Variants in DNAI3 observed in about 807,000 individuals in gnomAD.
The protein encoded by DNAI3 is dynein axonemal intermediate chain 3, also known as WD repeat domain 63.
A neutral mutation model predicts 115.5 loss-of-function variants in DNAI3; 83 were observed. The ratio of observed to expected loss-of-function variants is 0.72; its 90% CI spans 0.60 to 0.86. The LOEUF (loss-of-function observed/expected upper bound fraction) is 0.86, where lower values mean the gene tolerates loss of function less well. DNAI3 is among the 40% of genes least tolerant of loss of function. The pLI, the probability that DNAI3 is intolerant of heterozygous loss-of-function variation, is 0.00. For missense variants in DNAI3, 1,004 were observed against 1,075.8 expected (o/e 0.93, Z 0.93); for synonymous variants, 320 against 347.0 (o/e 0.92, Z 0.86).
chr1:85,090,239 A>C lies in DNAI3; in HGVS notation c.857+7A>C, dbSNP rs756100842. On this transcript the variant is annotated splice_region_variant and intron_variant, in intron 8 of 22. Transcript: ENST00000294664. ...TTAACAATGCATCCATAAGGTAAAA[A>C]ATTGCATATTAAATTTTAAAAATAA... is the stretch of plus-strand genomic sequence containing the variant. 1 of 1,476,920 alleles carries C rather than the reference A, an allele frequency of 6.8e-7. No individual in the cohort carries two copies. Among genetic ancestry groups the C allele is most frequent in the South Asian group, 1.3e-5 (1 of 75,078 alleles). 91.5% of individuals were successfully genotyped at this position (1,476,920 alleles called of 1,614,324 possible).
At chr1:85,132,771 A>C in intron 22 of DNAI3, 84 bp from the exon 23 acceptor site, 1 of 1,528,218 alleles carries the variant, frequency 6.5e-7, no homozygotes, top group Non-Finnish European at 8.8e-7. Context: ...CAGGTCAACT[A>C]TTCACAAACA....
intron 15 of DNAI3, 60 bp downstream of exon 15, chr1:85,108,237 G>A: frequency 6.8e-7 from 1 of 1,468,328 alleles, no homozygotes; most frequent in East Asian, 2.4e-5. Context: ...TACTTTGCAT[G>A]CATAGACATA....
intron 21 of DNAI3, among the ~76,000 whole-genome samples, chr1:85,129,014 T>C (rs1237208704): frequency 6.6e-6 from 1 of 152,198 alleles, no homozygotes; most frequent in Non-Finnish European, 1.5e-5. Flanking sequence ...ACCAAGTCAA[T>C]GAAGTCCAGA....
chr1:85,094,171 C>A, intron 9 of DNAI3: 3 of 491,864 alleles, frequency 6.1e-6, no homozygotes, highest in East Asian at 3.7e-5. Context: ...ACAAGATTTT[C>A]TTTTCTTCCA....
Position 85,110,120 on chromosome 1 carries a change from CT to C in DNAI3, c.1774del (p.Cys592AlafsTer8), listed in dbSNP as rs779561474. 3 of 1,596,582 alleles carry C rather than the reference CT, an allele frequency of 1.9e-6. No individual in the cohort carries two copies. The South Asian group carries it at 3.3e-5, about 18-fold the overall frequency. On this transcript the variant is annotated frameshift_variant, in exon 16 of 23. Coordinates refer to ENST00000294664, the MANE Select transcript of DNAI3 (RefSeq NM_145172.5). LOFTEE classifies it high-confidence loss of function. ...TKISLNEDHL[L>X]CKTQDKMLAQ... Reference sequence around the variant, plus strand: ...GATAAGCCTGAATGAAGACCATCTTCTTTGCAAAACACAAGGTAACTGCCTT... The same window carrying C: ...GATAAGCCTGAATGAAGACCATCTTCTTGCAAAACACAAGGTAACTGCCTT...
intron 7 of DNAI3, among the ~76,000 whole-genome samples, chr1:85,088,578 T>C (rs1009433305): frequency 2.0e-5 from 3 of 152,136 alleles, no homozygotes; most frequent in Non-Finnish European, 4.4e-5. Flanking sequence ...ATACCAGGCA[T>C]TCTTCTAAGT....
intron 20 of DNAI3, among the ~76,000 whole-genome samples, chr1:85,127,369 C>T (rs1348025228): frequency 6.6e-6 from 1 of 152,050 alleles, no homozygotes; most frequent in African/African-American, 2.4e-5. Context: ...CTGTTTCGCC[C>T]AAGTAGTAAT....
At chr1:85,126,479 CT>C (rs1211029987) in intron 19 of DNAI3, 31 bp from the exon 20 acceptor site, 1 of 1,583,984 alleles carries the variant, frequency 6.3e-7, no homozygotes, top group Non-Finnish European at 8.6e-7. Flanking sequence ...ACAAAATCTT[CT>C]TTATTTGTCT....
chr1:85,094,004 A>G, intron 9 of DNAI3: 3 of 442,428 alleles, frequency 6.8e-6, no homozygotes, highest in Non-Finnish European at 1.3e-5. Context: ...TCTGATTACT[A>G]GACAAGAGAG....
intron 15 of DNAI3, among the ~76,000 whole-genome samples, chr1:85,108,415 C>T (rs1010491027): frequency 6.6e-6 from 1 of 152,038 alleles, no homozygotes; most frequent in Non-Finnish European, 1.5e-5. Flanking sequence ...TTTGTGTAAT[C>T]TGTGTAATAC....
At chr1:85,087,434 C>CAAAAAAAAA (rs1162431713) in intron 7 of DNAI3, among the ~76,000 whole-genome samples, 50 of 46,358 alleles carry the variant, frequency 1.1e-3, no homozygotes, top group Admixed American at 1.6e-3. Flanking sequence ...GACTCCATCT[C>CAAAAAAAAA]AAAAAAAAAA....
chr1:85,110,450 C>CAAATAAATAAATAAATAAATAAAT lies in DNAI3; in HGVS notation c.1786+325_1786+348dup, dbSNP rs71582946. ...CGGGCAACAGAGCGAGACTCCATCTCAAATAAATAAATAAATAAATAAATA... is the reference window on the plus strand; with the variant it reads ...CGGGCAACAGAGCGAGACTCCATCTCAAATAAATAAATAAATAAATAAATAAATAAATAAATAAATAAATAAATA... On this transcript the variant is annotated intron_variant, in intron 16 of 22. Coordinates refer to ENST00000294664, the MANE Select transcript of DNAI3 (RefSeq NM_145172.5). Among the ~76,000 whole-genome samples the CAAATAAATAAATAAATAAATAAAT allele has an allele frequency of 4.7e-3, 643 of 138,226 alleles. 5 individuals carry two copies. Among genetic ancestry groups the CAAATAAATAAATAAATAAATAAAT allele is most frequent in the Middle Eastern group, 0.011 (3 of 280 alleles). 90.7% of individuals were successfully genotyped at this position (138,226 alleles called of 152,430 possible). A position where few individuals can be genotyped will look rare whatever the true frequency, so the allele number is the denominator to read the frequency against.
intron 19 of DNAI3, 108 bp from the exon 20 acceptor site, chr1:85,126,403 T>C: frequency 8.5e-7 from 1 of 1,181,980 alleles, no homozygotes; most frequent in South Asian, 1.6e-5. Flanking sequence ...AATTTTGTTG[T>C]TATATGATCA....
chr1:85,105,249 C>T (rs1015831728), intron 14 of DNAI3, among the ~76,000 whole-genome samples: 1 of 151,912 alleles, frequency 6.6e-6, no homozygotes, highest in Non-Finnish European at 1.5e-5. Context: ...AGCCATGGGC[C>T]AGGGATGAGG....
chr1:85,104,403 G>A (rs1204913295), intron 13 of DNAI3, 121 bp from the exon 14 acceptor site: 2 of 768,684 alleles, frequency 2.6e-6, no homozygotes, highest in Non-Finnish European at 4.2e-6. Context: ...TTACAGGCGT[G>A]AGCCACTGCC....
intron 3 of DNAI3, among the ~76,000 whole-genome samples, chr1:85,073,655 A>G (rs1476038499): frequency 1.3e-5 from 2 of 152,218 alleles, no homozygotes; most frequent in African/African-American, 4.8e-5. Flanking sequence ...TGAGGGGGGC[A>G]AGGAGGAAGA....
At chr1:85,073,645 T>C (rs568633501) in intron 3 of DNAI3, among the ~76,000 whole-genome samples, 1 of 152,200 alleles carries the variant, frequency 6.6e-6, no homozygotes, top group Non-Finnish European at 1.5e-5. Flanking sequence ...AAGGAGACAA[T>C]GAGGGGGGCA....
At position 85,081,270 on chromosome 1, in the gene DNAI3, A is replaced by G. The variant is rs767139961; in HGVS notation, c.140A>G (p.Lys47Arg). 6 of 1,600,402 alleles carry G rather than the reference A, an allele frequency of 3.7e-6. No individual in the cohort carries two copies. Among genetic ancestry groups the G allele is most frequent in the Non-Finnish European group, 5.1e-6 (6 of 1,176,058 alleles). ...ATTTATCCTTTAGTATTAACCACCA[A>G]GACCCAAGAAATATTTAACTGCCGA... ...PEIYPLVLTT[K>R]TQEIFNCRID... The change falls in exon 4 of 23, where the codon AAG becomes AGG. Residue 47 changes from lysine (K) to arginine (R), a missense_variant. Lys to Arg is a conservative substitution (Grantham distance 26). Coordinates refer to ENST00000294664, the MANE Select transcript of DNAI3 (RefSeq NM_145172.5).
rs1243367984 is a variant in DNAI3 at position 85,081,343 on chromosome 1, A to G, written c.213A>G (p.Lys71=). Residue 71 remains lysine, a synonymous_variant, in exon 4 of 23, where the codon AAA becomes AAG. Transcript: ENST00000294664. ...AACAACCTTATAAGCTTATCAATAA[A>G]GAAGACATTTTTGAGGACCTGCGCA... ...TDEQPYKLIN[K]EDIFEDLRNR... is the part of the protein sequence containing the mutation. 1.2e-6 allele frequency: 2 copies of G among 1,604,704 alleles called. No homozygotes were observed. The highest frequency in any genetic ancestry group is 2.2e-5 in the East Asian group (1 of 44,524).
Sources: gnomAD v4.1 joint callset for allele counts (sites outside exome capture counted in the v4.1 genomes callset) on GRCh38, gnomAD v4.1.1 for gene constraint, MANE v1.5 for transcripts, NCBI Gene and HGNC (gene_info 2026-07-23, HGNC 2026-07-21) for gene names.